SMYD2: variants seen among roughly 807,000 people sequenced by gnomAD.
SMYD2 encodes SET and MYND domain containing 2.
A neutral mutation model predicts 59.1 loss-of-function variants in SMYD2; 53 were observed. The ratio of observed to expected loss-of-function variants is 0.90; its 90% confidence interval spans 0.72 to 1.13. The LOEUF (loss-of-function observed/expected upper bound fraction) is 1.13. SMYD2 is among the 50% of genes most tolerant of loss of function. SMYD2 has a pLI of 0.00. For synonymous variants in SMYD2, 208 were observed against 198.8 expected (o/e 1.05, Z -0.39); for missense variants, 494 against 544.7 (o/e 0.91, Z 0.93).
chr1:214,327,765 G>C, intron 7 of SMYD2, 41 bp downstream of exon 7: 2 of 1,541,356 alleles, frequency 1.3e-6, no homozygotes, highest in Non-Finnish European at 1.8e-6. Flanking sequence ...GGGGGCTTGA[G>C]ACTGCTCTTT....
intron 1 of SMYD2, among the ~76,000 whole-genome samples, chr1:214,291,306 C>G (rs79726428): frequency 1.1e-3 from 166 of 152,298 alleles, no homozygotes; most frequent in African/African-American, 3.8e-3. Flanking sequence ...TTTCTTTCTT[C>G]TGGTCATCCA....
chr1:214,324,695 G>A lies in SMYD2; in HGVS notation c.589G>A (p.Ala197Thr). ...EDEELSHLGS[A>T]IFPDVALMNH... Reference sequence around the variant, plus strand: ...TGAAGAACTTTCTCATTTGGGATCAGCGATATTTCCTGAGTAGGCTGTGTT... The same window carrying A: ...TGAAGAACTTTCTCATTTGGGATCAACGATATTTCCTGAGTAGGCTGTGTT... The change falls in exon 6 of 12, where the codon GCG becomes ACG. Residue 197 changes from alanine to threonine, a missense_variant. Coordinates refer to ENST00000366957, the MANE Select transcript of SMYD2 (RefSeq NM_020197.3). The A allele has an allele frequency of 1.9e-6, 3 of 1,612,814 alleles. No homozygotes were observed. The highest frequency in any genetic ancestry group is 2.5e-6 in the Non-Finnish European group (3 of 1,179,416).
chr1:214,289,049 C>A (rs1656595287), intron 1 of SMYD2, among the ~76,000 whole-genome samples: 1 of 151,584 alleles, frequency 6.6e-6, no homozygotes, highest in South Asian at 2.1e-4. Flanking sequence ...TAGGAGGCAG[C>A]CCCTGGTTGG....
chr1:214,330,438 C>T (rs1295753931), intron 8 of SMYD2, among the ~76,000 whole-genome samples, 160 bp downstream of exon 8: 1 of 152,178 alleles, frequency 6.6e-6, no homozygotes, highest in African/African-American at 2.4e-5. Context: ...GACCAGGTCT[C>T]TGTTCAGACC....
chr1:214,303,734 G>A (rs887956836), intron 1 of SMYD2, among the ~76,000 whole-genome samples: 4 of 152,212 alleles, frequency 2.6e-5, no homozygotes, highest in African/African-American at 4.8e-5. Context: ...AAGCCGCGGA[G>A]GATTCTGCAG....
intron 1 of SMYD2, among the ~76,000 whole-genome samples, chr1:214,294,884 G>A (rs939859659): frequency 1.3e-5 from 2 of 152,142 alleles, no homozygotes; most frequent in Non-Finnish European, 2.9e-5. Flanking sequence ...AGTATTTTAA[G>A]TTTTCAAGTA....
chr1:214,332,061 G>A lies in SMYD2; in HGVS notation c.981G>A (p.Lys327=), dbSNP rs773431617. The part of the protein sequence containing the change: ...LLEICELSQE[K]MSSVFEDSNV... ...AGATCTGCGAGCTCAGCCAGGAGAA[G>A]ATGAGCTCTGTGTTTGAGGACAGTA... The change falls in exon 10 of 12, where the codon AAG becomes AAA. Residue 327 remains lysine, a synonymous_variant. Coordinates refer to ENST00000366957, the MANE Select transcript of SMYD2 (RefSeq NM_020197.3). 8 of 1,613,932 alleles carry A rather than the reference G, an allele frequency of 5.0e-6. No homozygotes were observed. Among genetic ancestry groups the A allele is most frequent in the Non-Finnish European group, 6.8e-6 (8 of 1,180,040 alleles).
chr1:214,326,989 A>G lies in SMYD2; in HGVS notation c.603-633A>G, dbSNP rs528625589. Among the ~76,000 whole-genome samples, 3 of 152,376 alleles carry G rather than the reference A, an allele frequency of 2.0e-5. No homozygotes were observed. In the East Asian group the frequency reaches 5.8e-4, roughly 29 times the overall value. On this transcript the variant is annotated intron_variant, in intron 6 of 11. Coordinates refer to ENST00000366957, the MANE Select transcript of SMYD2 (RefSeq NM_020197.3). ...GTTCTCAGAACTTTGACCTTCATAT[A>G]ATCAGAAAGCTCAAAGCACCTCGCA... is the stretch of plus-strand genomic sequence containing the variant.
At position 214,323,733 on chromosome 1, in the gene SMYD2, G is replaced by T. The variant is rs564516955; in HGVS notation, c.535-908G>T. The stretch of plus-strand genomic sequence containing the variant: ...TGGGATTACAGGCGTGAGCCAGCGG[G>T]CCCGTACAACGTTTCTTTTAAAGGG... On this transcript the variant is annotated intron_variant, in intron 5 of 11. Coordinates refer to ENST00000366957, the MANE Select transcript of SMYD2 (RefSeq NM_020197.3). Among the ~76,000 whole-genome samples the T allele has an allele frequency of 2.0e-5, 3 of 152,196 alleles. No individual in the cohort carries two copies. In the East Asian group the frequency reaches 5.8e-4, roughly 29 times the overall value.
intron 11 of SMYD2, among the ~76,000 whole-genome samples, chr1:214,335,754 A>AGT (rs1657426064): frequency 6.6e-6 from 1 of 152,228 alleles, no homozygotes; most frequent in Non-Finnish European, 1.5e-5. Flanking sequence ...TGAGGCACAG[A>AGT]GTGGTTAAGT....
chr1:214,290,775 T>A (rs778787849), intron 1 of SMYD2, among the ~76,000 whole-genome samples: 32 of 152,208 alleles, frequency 2.1e-4, no homozygotes, highest in Non-Finnish European at 4.0e-4. Context: ...AAGGATTTTA[T>A]GTCTTGGCAC....
chr1:214,314,836 G>C lies in SMYD2; in HGVS notation c.312G>C (p.Glu104Asp). Residue 104 changes from glutamate to aspartate, a missense_variant, in exon 3 of 12, where the codon GAG (glutamate) becomes GAC (aspartate). Coordinates refer to ENST00000366957, the MANE Select transcript of SMYD2 (RefSeq NM_020197.3). Reference protein sequence around the residue: ...VVFGENWNPSETVRLTARILA... With the variant: ...VVFGENWNPSDTVRLTARILA... ...TTGGGGAAAACTGGAATCCCTCGGA[G>C]ACTGTAAGACTAACAGCAAGGATTC... 1 of 1,614,160 alleles carries C rather than the reference G, an allele frequency of 6.2e-7. No homozygotes were observed. Among genetic ancestry groups the C allele is most frequent in the Non-Finnish European group, 8.5e-7 (1 of 1,179,998 alleles).
chr1:214,298,900 C>G (rs1397313392), intron 1 of SMYD2, among the ~76,000 whole-genome samples: 2 of 152,186 alleles, frequency 1.3e-5, no homozygotes, highest in Admixed American at 1.3e-4. Flanking sequence ...CATCTGTAAT[C>G]CCAGCACTTT....
At chr1:214,323,444 T>C (rs891521958) in intron 5 of SMYD2, among the ~76,000 whole-genome samples, 1 of 152,318 alleles carries the variant, frequency 6.6e-6, no homozygotes, top group Admixed American at 6.5e-5. Context: ...ACATTTCTTT[T>C]TTTTTGAGAT....
rs760844893 is a variant in SMYD2 at position 214,318,212 on chromosome 1, G to A, written c.409+73G>A. ...CACATGGGTTGGGCAGGATTGAAGC[G>A]AGGACGGGCTAGTTTGTGCTCAGAG... On this transcript the variant is annotated intron_variant, in intron 4 of 11. Coordinates refer to ENST00000366957, the MANE Select transcript of SMYD2 (RefSeq NM_020197.3). The surrounding 1 kb of genome is among the most constrained non-coding windows in gnomAD (Gnocchi z 5.4). The A allele has an allele frequency of 7.2e-6, 10 of 1,397,452 alleles. No homozygotes were observed. The highest frequency in any genetic ancestry group is 2.9e-5 in the African/African-American group (2 of 69,692). The allele number at this position is 1,397,452 out of a possible 1,614,324, so 86.6% of individuals were successfully genotyped here.
At chr1:214,327,474 C>T (rs1223949408) in intron 6 of SMYD2, 148 bp from the exon 7 acceptor site, 1 of 629,316 alleles carries the variant, frequency 1.6e-6, no homozygotes. Flanking sequence ...TGCAGAACAA[C>T]CTCTTAGAAT....
intron 3 of SMYD2, among the ~76,000 whole-genome samples, chr1:214,317,128 A>G (rs1362359768): frequency 6.6e-6 from 1 of 152,204 alleles, no homozygotes; most frequent in Non-Finnish European, 1.5e-5. Context: ...CATCCCGTGA[A>G]TGGAAGATTT....
rs537350905 is a variant in SMYD2, at chr1:214,298,133, C to T, written c.174-7054C>T. Among the ~76,000 whole-genome samples the T allele has an allele frequency of 2.8e-4, 42 of 152,286 alleles. 2 individuals carry two copies. The South Asian group carries it at 8.5e-3, about 31-fold the overall frequency. On this transcript the variant is annotated intron_variant, in intron 1 of 11. Transcript: ENST00000366957. The stretch of plus-strand genomic sequence containing the variant: ...GCAAAAAGAACAAAGCCAGAGGCAT[C>T]ACATTACCCAACTTCAAATAATACT...
chr1:214,283,662 T>G (rs962114129), intron 1 of SMYD2, among the ~76,000 whole-genome samples: 6 of 152,186 alleles, frequency 3.9e-5, no homozygotes, highest in Non-Finnish European at 8.8e-5. Flanking sequence ...TCTGTCCAGA[T>G]GTATGAGGGG....
Sources: allele counts gnomAD v4.1 joint callset (sites outside exome capture counted in the v4.1 genomes callset), GRCh38; gene constraint gnomAD v4.1.1; non-coding constraint Gnocchi (gnomAD v3.1); transcripts MANE v1.5; gene names NCBI Gene and HGNC (gene_info 2026-07-23, HGNC 2026-07-21).